The following DOCK2 variants were observed in gnomAD, a reference collection of about 807,000 sequenced individuals.
DOCK2 encodes the protein dedicator of cytokinesis 2.
A neutral mutation model predicts 248.9 loss-of-function variants in DOCK2; 87 were observed. That is an observed-to-expected ratio of 0.35 (90% CI 0.29 to 0.42). The LOEUF (loss-of-function observed/expected upper bound fraction) is 0.42. DOCK2 is among the 10% of genes least tolerant of loss of function. The pLI, the probability that DOCK2 is intolerant of heterozygous loss-of-function variation, is 1.00. For synonymous variants in DOCK2, 805 were observed against 821.6 expected (o/e 0.98, Z 0.35); for missense variants, 1,747 against 2,300.2 (o/e 0.76, Z 4.92).
chr5:170,078,876 AG>A, intron 48 of DOCK2, 98 bp from the exon 49 acceptor site: 1 of 1,392,222 alleles, frequency 7.2e-7, no homozygotes, highest in Non-Finnish European at 9.9e-7. Flanking sequence ...GTGACAGCTC[AG>A]GCAGCCCAAA....
Position 170,081,957 on chromosome 5 carries a change from G to A in DOCK2, c.5403G>A (p.Lys1801=), listed in dbSNP as rs1278632082. ...SDGDKKTLTR[K]KVNQFFKTML... Reference sequence around the variant, plus strand: ...GTGACAAGAAGACACTCACACGGAAGAAGGTCAATCAGTTCTTCAAGACAA... The same window carrying A: ...GTGACAAGAAGACACTCACACGGAAAAAGGTCAATCAGTTCTTCAAGACAA... Residue 1801 remains lysine (K), a synonymous_variant, in exon 51 of 52, where the codon AAG becomes AAA. Transcript: ENST00000520908. 6.2e-6 allele frequency: 10 copies of A among 1,614,058 alleles called. No individual in the cohort carries two copies. Among genetic ancestry groups the A allele is most frequent in the Admixed American group, 3.3e-5 (2 of 60,006 alleles).
chr5:169,999,978 G>T (rs1243774575), intron 30 of DOCK2: 2 of 152,158 alleles, frequency 1.3e-5, no homozygotes, highest in Non-Finnish European at 2.9e-5. Flanking sequence ...ACAAGAACTG[G>T]GAATTATAAA....
chr5:169,974,843 C>T lies in DOCK2; in HGVS notation c.2800-8225C>T, dbSNP rs553873965. Among the ~76,000 whole-genome samples the T allele has an allele frequency of 8.0e-5, 12 of 150,488 alleles. No individual in the cohort carries two copies. In the South Asian group the frequency reaches 1.9e-3, roughly 24 times the overall value. ...ATCATATTTGTGACCCCCCTCCCCC[C>T]GACACACACACATGTTTCCATGGAG... is the stretch of plus-strand genomic sequence containing the variant. On this transcript the variant is annotated intron_variant, in intron 27 of 51. Transcript: ENST00000520908.
intron 27 of DOCK2, chr5:169,883,176 T>C (rs1253435475): frequency 6.4e-7 from 1 of 1,551,542 alleles, no homozygotes; most frequent in Non-Finnish European, 8.7e-7. Context: ...TCCCATCACC[T>C]GGACGTGTGT....
intron 21 of DOCK2, 147 bp from the exon 22 acceptor site, chr5:169,718,510 G>T: frequency 2.7e-6 from 2 of 750,566 alleles, no homozygotes; most frequent in Non-Finnish European, 3.9e-6. Flanking sequence ...TAATTTTTAT[G>T]CAGAGTTATC....
At chr5:170,023,817 T>C (rs1755812478) in intron 33 of DOCK2, among the ~76,000 whole-genome samples, 1 of 152,194 alleles carries the variant, frequency 6.6e-6, no homozygotes, top group African/African-American at 2.4e-5. Context: ...TAATAACATC[T>C]CTGCTCTTCC....
At chr5:170,031,705 T>C (rs942191324) in intron 34 of DOCK2, among the ~76,000 whole-genome samples, 2 of 152,184 alleles carry the variant, frequency 1.3e-5, no homozygotes, top group African/African-American at 4.8e-5. Flanking sequence ...ACATGTTGAG[T>C]GGAAGGATGG....
Position 170,040,432 on chromosome 5 carries a change from T to C in DOCK2, c.3666-623T>C, listed in dbSNP as rs192722223. On this transcript the variant is annotated intron_variant, in intron 36 of 51. Transcript: ENST00000520908. ...CAGTCAAATAGCTAACTCTTCCTAC[T>C]GACAGCTCAAGGTCTACATATGAAT... is the stretch of plus-strand genomic sequence containing the variant. Among the ~76,000 whole-genome samples, 9 of 152,334 alleles carry C rather than the reference T, an allele frequency of 5.9e-5. No homozygotes were observed. The South Asian group carries it at 6.2e-4, about 11-fold the overall frequency.
chr5:169,829,227 C>T (rs887242480), intron 26 of DOCK2, among the ~76,000 whole-genome samples: 3 of 152,052 alleles, frequency 2.0e-5, no homozygotes, highest in African/African-American at 4.8e-5. Flanking sequence ...TTCATCACCA[C>T]GGAGTCCTGT....
chr5:169,688,315 T>C (rs907589462), intron 8 of DOCK2, among the ~76,000 whole-genome samples: 1 of 152,230 alleles, frequency 6.6e-6, no homozygotes, highest in African/African-American at 2.4e-5. Context: ...TTCCCTTTCC[T>C]ACCTTCTTTT....
chr5:169,683,010 A>G (rs1759753573), intron 7 of DOCK2, among the ~76,000 whole-genome samples: 1 of 152,184 alleles, frequency 6.6e-6, no homozygotes, highest in Non-Finnish European at 1.5e-5. Context: ...GCCAGTTACC[A>G]ATGGTATATA....
intron 27 of DOCK2, among the ~76,000 whole-genome samples, chr5:169,941,013 C>G (rs939593009): frequency 6.6e-6 from 1 of 152,148 alleles, no homozygotes; most frequent in Non-Finnish European, 1.5e-5. Context: ...GTGAGAAAAA[C>G]AGACAGAAAG....
chr5:169,938,938 C>G lies in DOCK2; in HGVS notation c.2800-44130C>G, dbSNP rs553065880. On this transcript the variant is annotated intron_variant, in intron 27 of 51. Coordinates refer to ENST00000520908, the MANE Select transcript of DOCK2 (RefSeq NM_004946.3). ...TTTTTTTTTGAAATGGAGTCTTGCT[C>G]TGTCGCCCAGGCTGGAGTACAGTGG... is the stretch of plus-strand genomic sequence containing the variant. 5.4e-5 allele frequency among the ~76,000 whole-genome samples: 8 copies of G among 147,818 alleles called. No individual in the cohort carries two copies. In the South Asian group the frequency reaches 1.7e-3, roughly 32 times the overall value.
intron 44 of DOCK2, among the ~76,000 whole-genome samples, chr5:170,063,971 C>A (rs1757412924): frequency 6.6e-6 from 1 of 152,182 alleles, no homozygotes; most frequent in Non-Finnish European, 1.5e-5. Context: ...AATACCCCCA[C>A]CTTTCCAGCT....
chr5:170,050,804 A>C (rs935221657), intron 41 of DOCK2, among the ~76,000 whole-genome samples: 8 of 152,188 alleles, frequency 5.3e-5, no homozygotes, highest in Non-Finnish European at 1.2e-4. Flanking sequence ...AACCTATCTC[A>C]ATACATTGTA....
chr5:170,079,981 A>G, intron 49 of DOCK2, 182 bp from the exon 50 acceptor site: 2 of 997,232 alleles, frequency 2.0e-6, no homozygotes, highest in Non-Finnish European at 1.4e-6. Context: ...GTAGTGTGCA[A>G]CCTGTGCAAC....
chr5:169,902,826 G>T (rs752708351), intron 27 of DOCK2, among the ~76,000 whole-genome samples: 1 of 152,230 alleles, frequency 6.6e-6, no homozygotes, highest in Non-Finnish European at 1.5e-5. Flanking sequence ...GAGGCCAGGC[G>T]TGGTGGCTCA....
chr5:170,019,222 T>C, intron 33 of DOCK2, 114 bp downstream of exon 33: 1 of 1,504,940 alleles, frequency 6.6e-7, no homozygotes, highest in Non-Finnish European at 9.0e-7. Flanking sequence ...GGCGGCAGGA[T>C]AGGGACATTT....
Position 170,036,514 on chromosome 5 carries a change from G to A in DOCK2, c.3625-1G>A. The A allele has an allele frequency of 6.2e-7, 1 of 1,612,744 alleles. No individual in the cohort carries two copies. Among genetic ancestry groups the A allele is most frequent in the Non-Finnish European group, 8.5e-7 (1 of 1,179,456 alleles). On this transcript the variant is annotated splice_acceptor_variant, in intron 35 of 51. Coordinates refer to ENST00000520908, the MANE Select transcript of DOCK2 (RefSeq NM_004946.3). LOFTEE classifies it high-confidence loss of function. ...ATCATTGTTTTTCCTCCCCTACCTA[G>A]AATTTCTACAAAGATAACAACAGGG...
Sources: allele counts gnomAD v4.1 joint callset (sites outside exome capture counted in the v4.1 genomes callset), GRCh38; gene constraint gnomAD v4.1.1; transcripts MANE v1.5; gene names NCBI Gene and HGNC (gene_info 2026-07-23, HGNC 2026-07-21).